ZNF568: variants seen among roughly 807,000 people sequenced by gnomAD.
The protein encoded by ZNF568 is zinc finger protein 568.
A neutral mutation model predicts 18.1 loss-of-function variants in ZNF568; 11 were observed. That is an observed-to-expected ratio of 0.61 (90% CI 0.38 to 1.00). The LOEUF (loss-of-function observed/expected upper bound fraction) is 1.00, where lower values mean the gene tolerates loss of function less well. ZNF568 is among the 50% of genes least tolerant of loss of function. The pLI is 0.01. For synonymous variants in ZNF568, 213 were observed against 246.6 expected, an observed-to-expected ratio of 0.86 and a Z score of 1.28; for missense variants, 639 against 768.2, an observed-to-expected ratio of 0.83 and a Z score of 1.99.
rs1196322733 is a variant in ZNF568 at position 36,922,744 on chromosome 19, C to T, written c.-27C>T. The T allele has an allele frequency of 3.1e-6, 5 of 1,610,756 alleles. No homozygotes were observed. The African/African-American group carries it at 6.7e-5, about 22-fold the overall frequency. On this transcript the variant is annotated 5_prime_UTR_variant, in exon 3 of 7. Transcript: ENST00000333987. ...GGAGTTGCTGGAGCTTGTCTTGACC[C>T]TTCTGCCCAGAGCAGGCAGGGTCTG...
At chr19:36,962,785 A>C (rs527648875) in intron 6 of ZNF568, among the ~76,000 whole-genome samples, 2 of 152,088 alleles carry the variant, frequency 1.3e-5, no homozygotes, top group South Asian at 4.1e-4. Flanking sequence ...TTCTTTTAGC[A>C]CTTTAAATAT....
At chr19:36,989,329 C>T (rs151274899) in intron 2 of ZNF568, among the ~76,000 whole-genome samples, 98 of 152,038 alleles carry the variant, frequency 6.4e-4, no homozygotes, top group African/African-American at 2.1e-3. Context: ...ATTACAGGCA[C>T]GTGCCACCAT....
downstream of ZNF568, among the ~76,000 whole-genome samples, chr19:36,955,437 A>G (rs2074100758): frequency 6.6e-6 from 1 of 152,122 alleles, no homozygotes; most frequent in Non-Finnish European, 1.5e-5. Flanking sequence ...CAGGTGAGGT[A>G]AAGTGCCTCA....
At chr19:36,982,974 G>T (rs1001952619), downstream of ZNF568, among the ~76,000 whole-genome samples, 1 of 152,208 alleles carries the variant, frequency 6.6e-6, no homozygotes, top group Non-Finnish European at 1.5e-5. Flanking sequence ...TATCCCAGGA[G>T]AACTGTGGCC....
exon 5 of ZNF568, chr19:36,997,158 T>A (rs2074483364): frequency 6.3e-7 from 1 of 1,588,004 alleles, no homozygotes; most frequent in Non-Finnish European, 8.6e-7. Context: ...AGGTGTACAG[T>A]TGTGCCTCAC....
chr19:36,995,001 G>T (rs897257874), intron 4 of ZNF568, among the ~76,000 whole-genome samples: 2 of 151,862 alleles, frequency 1.3e-5, no homozygotes, highest in African/African-American at 4.8e-5. Flanking sequence ...AGTTTATTTT[G>T]TCTGGTATTA....
At chr19:36,936,553 TATA>T in intron 4 of ZNF568, 190 bp from the exon 5 acceptor site, 2 of 436,522 alleles carry the variant, frequency 4.6e-6, no homozygotes, top group East Asian at 6.9e-5. Flanking sequence ...TTCTTGAATG[TATA>T]ATGTTTTTTG....
downstream of ZNF568, among the ~76,000 whole-genome samples, chr19:36,954,806 ACCTCAGGTGAT>A (rs956591746): frequency 1.3e-5 from 2 of 150,128 alleles, no homozygotes; most frequent in African/African-American, 2.5e-5. Flanking sequence ...TCGAATCCTG[ACCTCAGGTGAT>A]CCACCCACCT....
chr19:36,933,924 G>GTTTT (rs140279289), intron 4 of ZNF568, among the ~76,000 whole-genome samples: 6 of 29,952 alleles, frequency 2.0e-4, no homozygotes, highest in East Asian at 5.0e-4. Flanking sequence ...TTGTTTTTTT[G>GTTTT]TTTTTTTTTT....
Position 36,951,809 on chromosome 19 carries a change from A to T in ZNF568, c.*721A>T. 3.2e-6 allele frequency: 1 copy of T among 308,200 alleles called. No homozygotes were observed. Among genetic ancestry groups the T allele is most frequent in the Non-Finnish European group, 4.6e-6 (1 of 215,122 alleles). The allele number at this position is 308,200 out of a possible 1,614,324, so 19.1% of individuals were successfully genotyped here. ...GTTTTGTTTTGTTTTTTGTATTTTTAGTAGAGACGGGGTTTCACCATGTTG... is the reference window on the plus strand; with the variant it reads ...GTTTTGTTTTGTTTTTTGTATTTTTTGTAGAGACGGGGTTTCACCATGTTG... On this transcript the variant is annotated 3_prime_UTR_variant, in exon 7 of 7. Coordinates refer to ENST00000333987, the MANE Select transcript of ZNF568 (RefSeq NM_198539.4).
chr19:36,937,342 C>T, intron 6 of ZNF568, 100 bp downstream of exon 6: 1 of 908,872 alleles, frequency 1.1e-6, no homozygotes, highest in Non-Finnish European at 1.7e-6. Flanking sequence ...TCTTAAAGGC[C>T]TTATTCTTCT....
At chr19:36,923,043 T>G (rs200818378) in intron 3 of ZNF568, among the ~76,000 whole-genome samples, 197 bp downstream of exon 3, 1 of 151,936 alleles carries the variant, frequency 6.6e-6, no homozygotes, top group African/African-American at 2.4e-5. Context: ...TTTTATTTCT[T>G]AAGAGTATGT....
In ZNF568 at chr19:36,933,922, TTG is replaced by T. The variant is rs1491083936; in HGVS notation, c.136-2822_136-2821del. ...AGGTTTTTTTTTTTGTTTTGTTTTTTTGTTTTTTTTTTTTTTTTTTAGTAATT... is the reference window on the plus strand; with the variant it reads ...AGGTTTTTTTTTTTGTTTTGTTTTTTTTTTTTTTTTTTTTTTTTAGTAATT... On this transcript the variant is annotated intron_variant, in intron 4 of 6. Transcript: ENST00000333987. Among the ~76,000 whole-genome samples the T allele has an allele frequency of 6.4e-4, 31 of 48,160 alleles. 1 individual carries two copies. Among genetic ancestry groups the T allele is most frequent in the East Asian group, 2.9e-3 (10 of 3,434 alleles). The allele number at this position is 48,160 out of a possible 152,430, so 31.6% of individuals were successfully genotyped here.
chr19:36,954,444 T>G (rs1321760972), downstream of ZNF568, among the ~76,000 whole-genome samples: 1 of 152,192 alleles, frequency 6.6e-6, no homozygotes, highest in Non-Finnish European at 1.5e-5. Context: ...GGGACTGACT[T>G]CAGTGAAAAC....
At chr19:36,992,556 C>T (rs978265765) in intron 4 of ZNF568, among the ~76,000 whole-genome samples, 6 of 152,096 alleles carry the variant, frequency 3.9e-5, no homozygotes, top group African/African-American at 1.4e-4. Flanking sequence ...CTCTCTTGCT[C>T]ACCTCCTATA....
At chr19:36,986,689 C>T (rs953452687) in intron 2 of ZNF568, among the ~76,000 whole-genome samples, 3 of 152,092 alleles carry the variant, frequency 2.0e-5, no homozygotes, top group African/African-American at 7.2e-5. Flanking sequence ...TTATCTGCGA[C>T]CCTGGTGCCC....
intron 4 of ZNF568, among the ~76,000 whole-genome samples, chr19:36,927,889 ATATATATATATATATTTTTTTTTTTT>A (rs2073599769): frequency 9.0e-5 from 2 of 22,110 alleles, no homozygotes; most frequent in African/African-American, 1.9e-4. Context: ...TATATATATT[ATATATATATATATATTTTTTTTTTTT>A]TTTTTTTTTT....
rs2073347331 is a variant in ZNF568 at position 36,916,922 on chromosome 19, T to C, written c.-256+331T>C. On this transcript the variant is annotated intron_variant, in intron 1 of 6. Coordinates refer to ENST00000333987, the MANE Select transcript of ZNF568 (RefSeq NM_198539.4). The surrounding 1 kb of genome is among the most constrained non-coding windows in gnomAD (Gnocchi z 5.3). ...CTCCTTGTTGGCCACTCCTCTGTAG[T>C]CTTCTTTGCTGTCTTTTTTACCCTA... Among the ~76,000 whole-genome samples the C allele has an allele frequency of 6.6e-6, 1 of 152,158 alleles. No homozygotes were observed. The highest frequency in any genetic ancestry group is 6.5e-5 in the Admixed American group (1 of 15,272).
intron 4 of ZNF568, 119 bp from the exon 5 acceptor site, chr19:36,936,624 CTCT>C (rs1220858023): frequency 2.1e-5 from 19 of 905,372 alleles, no homozygotes; most frequent in African/African-American, 1.2e-4. Context: ...GCACCTTTCT[CTCT>C]TCTTCTTCTA....
Sources: gnomAD v4.1 joint callset for allele counts (sites outside exome capture counted in the v4.1 genomes callset) on GRCh38, gnomAD v4.1.1 for gene constraint, Gnocchi (gnomAD v3.1) non-coding constraint, MANE v1.5 for transcripts, NCBI Gene and HGNC (gene_info 2026-07-23, HGNC 2026-07-21) for gene names.